PBX1: variants seen among roughly 807,000 people sequenced by gnomAD.
PBX1 encodes the protein pre-B-cell leukemia transcription factor 1.
PBX1 carries 6 observed loss-of-function variants against 53.4 expected under a neutral mutation model. The ratio of observed to expected loss-of-function variants is 0.11; its 90% CI spans 0.06 to 0.22. PBX1 has a LOEUF of 0.22. PBX1 is among the 10% of genes least tolerant of loss of function. PBX1 has a pLI of 1.00. For missense variants in PBX1, 251 were observed against 551.4 expected (o/e 0.46, Z 5.46); for synonymous variants, 204 against 212.3 (o/e 0.96, Z 0.34).
At chr1:164,863,775 A>C (rs1219515888) in intron 2 of PBX1, among the ~76,000 whole-genome samples, 3 of 152,134 alleles carry the variant, frequency 2.0e-5, no homozygotes, top group African/African-American at 7.2e-5. Context: ...TACAGATCAG[A>C]GAGAGCAAGG....
chr1:164,657,669 G>C (rs1660241424), intron 2 of PBX1, among the ~76,000 whole-genome samples: 1 of 152,120 alleles, frequency 6.6e-6, no homozygotes. Context: ...CCTATAAGTG[G>C]GCATATTGTT....
At chr1:164,834,443 A>C (rs1670930954) in intron 8 of PBX1, among the ~76,000 whole-genome samples, 1 of 151,310 alleles carries the variant, frequency 6.6e-6, no homozygotes, top group South Asian at 2.1e-4. Context: ...TCCTGGGTTC[A>C]AGCAATTCTC....
rs557732619 is a variant in PBX1 at position 164,763,515 on chromosome 1, C to T, written c.266-28979C>T. 1.1e-4 allele frequency among the ~76,000 whole-genome samples: 16 copies of T among 152,280 alleles called. No homozygotes were observed. In the South Asian group the frequency reaches 2.7e-3, roughly 26 times the overall value. ...GGACATGTAGCTGGGTAAAAATGTT[C>T]CAGCTCTTAGAAACGGGGCAAGTTT... On this transcript the variant is annotated intron_variant, in intron 2 of 8. Coordinates refer to ENST00000420696, the MANE Select transcript of PBX1 (RefSeq NM_002585.4).
intron 2 of PBX1, among the ~76,000 whole-genome samples, chr1:164,633,141 C>T (rs1332345507): frequency 1.3e-5 from 2 of 151,718 alleles, no homozygotes; most frequent in South Asian, 2.1e-4. Context: ...ACCATCTCTC[C>T]TCTCTTTCTT....
At chr1:164,646,689 G>T (rs1659473807) in intron 2 of PBX1, among the ~76,000 whole-genome samples, 1 of 152,314 alleles carries the variant, frequency 6.6e-6, no homozygotes, top group South Asian at 2.1e-4. Context: ...AGAGGAGAGA[G>T]TTTTTTTGAT....
At chr1:164,604,291 C>T (rs1434529583) in intron 2 of PBX1, among the ~76,000 whole-genome samples, 1 of 152,176 alleles carries the variant, frequency 6.6e-6, no homozygotes, top group East Asian at 1.9e-4. Flanking sequence ...GTGACAAAGC[C>T]TCACAGAGGA....
At chr1:164,689,846 C>T (rs1300734578) in intron 2 of PBX1, among the ~76,000 whole-genome samples, 1 of 152,084 alleles carries the variant, frequency 6.6e-6, no homozygotes, top group East Asian at 1.9e-4. Flanking sequence ...CTCCCTACAC[C>T]TATCCCTCCC....
intron 2 of PBX1, among the ~76,000 whole-genome samples, chr1:164,649,875 T>A (rs1335644352): frequency 3.3e-5 from 5 of 152,166 alleles, no homozygotes; most frequent in Non-Finnish European, 7.3e-5. Flanking sequence ...ATGTCCCTTC[T>A]CATAATAACA....
At chr1:164,678,057 A>C (rs1661540472) in intron 2 of PBX1, among the ~76,000 whole-genome samples, 1 of 152,174 alleles carries the variant, frequency 6.6e-6, no homozygotes, top group Non-Finnish European at 1.5e-5. Context: ...ACCTTAACTC[A>C]AGAAAGGATG....
chr1:164,581,321 G>A (rs1348585069), intron 2 of PBX1, among the ~76,000 whole-genome samples: 5 of 150,970 alleles, frequency 3.3e-5, no homozygotes, highest in Non-Finnish European at 5.9e-5. Flanking sequence ...TCCGCCTCTC[G>A]GGTTCAAGTG....
At chr1:164,597,684 T>C (rs1655863227) in intron 2 of PBX1, among the ~76,000 whole-genome samples, 1 of 152,158 alleles carries the variant, frequency 6.6e-6, no homozygotes, top group Non-Finnish European at 1.5e-5. Context: ...TTTAGGACAT[T>C]ACCTTTAAGA....
At chr1:164,813,372 T>G (rs1669714500) in intron 6 of PBX1, 2 of 152,262 alleles carry the variant, frequency 1.3e-5, no homozygotes, top group African/African-American at 4.8e-5. Context: ...AGTTTTAATT[T>G]TCCCAGCACT....
intron 2 of PBX1, chr1:164,625,869 T>C (rs1381540389): frequency 5.4e-6 from 5 of 923,930 alleles, no homozygotes; most frequent in Non-Finnish European, 5.2e-6. Context: ...CCCACCCTCC[T>C]TCTGCCTTTC....
intron 2 of PBX1, among the ~76,000 whole-genome samples, chr1:164,698,863 T>C (rs1259184130): frequency 6.6e-6 from 1 of 152,192 alleles, no homozygotes; most frequent in African/African-American, 2.4e-5. Context: ...GAACACGAGG[T>C]ACCACAACTG....
chr1:164,783,655 A>G (rs1668033657), intron 2 of PBX1, among the ~76,000 whole-genome samples: 1 of 152,212 alleles, frequency 6.6e-6, no homozygotes, highest in African/African-American at 2.4e-5. Context: ...GAATTAAGGC[A>G]TAGGTGAAGT....
At chr1:164,739,034 G>T (rs1665447288) in intron 2 of PBX1, among the ~76,000 whole-genome samples, 1 of 152,048 alleles carries the variant, frequency 6.6e-6, no homozygotes. Context: ...ATATGTTTTG[G>T]TATAGGTTCA....
intron 2 of PBX1, among the ~76,000 whole-genome samples, chr1:164,618,944 A>C (rs556889846): frequency 4.6e-5 from 7 of 152,366 alleles, no homozygotes; most frequent in African/African-American, 1.7e-4. Context: ...AACATAAGGC[A>C]CTTACCTTTT....
At chr1:164,560,863 C>G (rs1652990983) in intron 1 of PBX1, among the ~76,000 whole-genome samples, 1 of 152,054 alleles carries the variant, frequency 6.6e-6, no homozygotes, top group African/African-American at 2.4e-5. Context: ...TTCAGGACCA[C>G]TTAGAAATGA....
chr1:164,797,773 A>C (rs1668860215), intron 3 of PBX1, among the ~76,000 whole-genome samples: 2 of 152,240 alleles, frequency 1.3e-5, no homozygotes, highest in Admixed American at 1.3e-4. Flanking sequence ...CCAGGCACAC[A>C]TATAGTAACT....
Sources: allele counts gnomAD v4.1 joint callset (sites outside exome capture counted in the v4.1 genomes callset), GRCh38; gene constraint gnomAD v4.1.1; transcripts MANE v1.5; gene names NCBI Gene and HGNC (gene_info 2026-07-23, HGNC 2026-07-21).